LUZP2: variants seen among roughly 807,000 people sequenced by gnomAD.
The protein encoded by LUZP2 is leucine zipper protein 2.
In LUZP2, 52 loss-of-function variants were observed where a neutral mutation model predicts 51.6. The ratio of observed to expected loss-of-function variants is 1.01; its 90% CI spans 0.81 to 1.27. The LOEUF (loss-of-function observed/expected upper bound fraction) is 1.27. LUZP2 is among the 50% of genes most tolerant of loss of function. LUZP2 has a pLI of 0.00. For synonymous variants in LUZP2, 154 were observed against 137.3 expected (o/e 1.12, Z -0.85); for missense variants, 436 against 395.4 (o/e 1.10, Z -0.87).
At chr11:24,550,759 G>A (rs978218660) in intron 1 of LUZP2, among the ~76,000 whole-genome samples, 1 of 151,972 alleles carries the variant, frequency 6.6e-6, no homozygotes, top group Admixed American at 6.6e-5. Context: ...CCTTCCAAAT[G>A]GTTTAACTCT....
intron 7 of LUZP2, among the ~76,000 whole-genome samples, chr11:24,969,599 T>A (rs1419427981): frequency 6.6e-6 from 1 of 152,222 alleles, no homozygotes; most frequent in Non-Finnish European, 1.5e-5. Flanking sequence ...TTCCCTTAGA[T>A]GAAGAAGAGA....
At chr11:24,541,713 T>C (rs909675653) in intron 1 of LUZP2, among the ~76,000 whole-genome samples, 1 of 152,104 alleles carries the variant, frequency 6.6e-6, no homozygotes, top group African/African-American at 2.4e-5. Flanking sequence ...AAAACTTTTA[T>C]TATTCAAATG....
intron 1 of LUZP2, among the ~76,000 whole-genome samples, chr11:24,661,221 T>G (rs1435415549): frequency 6.6e-6 from 1 of 152,184 alleles, no homozygotes; most frequent in Non-Finnish European, 1.5e-5. Context: ...CCTTATTTCT[T>G]CAGAAGTGTT....
intron 7 of LUZP2, among the ~76,000 whole-genome samples, chr11:24,936,095 C>T (rs1267564055): frequency 1.3e-5 from 2 of 151,992 alleles, no homozygotes; most frequent in Non-Finnish European, 2.9e-5. Flanking sequence ...GAGAAGAAGA[C>T]ATTTACCTTT....
At chr11:24,861,337 C>G (rs1012233705) in intron 5 of LUZP2, among the ~76,000 whole-genome samples, 3 of 152,000 alleles carry the variant, frequency 2.0e-5, no homozygotes, top group Admixed American at 6.5e-5. Context: ...ATCAGAGTAC[C>G]AGAAAAATAT....
chr11:24,669,840 C>A (rs1373175186), intron 1 of LUZP2, among the ~76,000 whole-genome samples: 1 of 151,946 alleles, frequency 6.6e-6, no homozygotes, highest in African/African-American at 2.4e-5. Context: ...TGTCCTGAAG[C>A]AAAGAGAGGA....
rs1158935544 is a variant in LUZP2 at position 24,826,190 on chromosome 11, A to AAT, written c.396+62900_396+62901dup. 2.0e-3 allele frequency among the ~76,000 whole-genome samples: 132 copies of AAT among 67,546 alleles called. 2 individuals carry two copies. Among genetic ancestry groups the AAT allele is most frequent in the African/African-American group, 7.2e-3 (123 of 16,984 alleles). 44.3% of individuals were successfully genotyped at this position (67,546 alleles called of 152,430 possible). A position where few individuals can be genotyped will look rare whatever the true frequency, so the allele number is the denominator to read the frequency against. ...GACTCCATCTCAAAAAAAAAAAAAA[A>AAT]ATATATATATATATATATAGTAAAA... On this transcript the variant is annotated intron_variant, in intron 5 of 11. Coordinates refer to ENST00000336930, the MANE Select transcript of LUZP2 (RefSeq NM_001009909.4).
At chr11:24,557,446 A>G (rs1851906083) in intron 1 of LUZP2, among the ~76,000 whole-genome samples, 1 of 152,176 alleles carries the variant, frequency 6.6e-6, no homozygotes, top group South Asian at 2.1e-4. Context: ...TACACTTAGA[A>G]TTTGACTGAA....
At chr11:24,929,683 T>A (rs1413517532) in intron 7 of LUZP2, among the ~76,000 whole-genome samples, 1 of 152,016 alleles carries the variant, frequency 6.6e-6, no homozygotes, top group Non-Finnish European at 1.5e-5. Flanking sequence ...ATGAATAGAG[T>A]ATATATTCTG....
chr11:25,069,731 T>C (rs1412479079), intron 10 of LUZP2, among the ~76,000 whole-genome samples: 3 of 151,970 alleles, frequency 2.0e-5, no homozygotes, highest in Non-Finnish European at 4.4e-5. Context: ...TTATATCATA[T>C]AGCTGGCAAA....
intron 5 of LUZP2, among the ~76,000 whole-genome samples, chr11:24,821,468 G>A (rs576440599): frequency 1.9e-4 from 29 of 152,038 alleles, no homozygotes; most frequent in East Asian, 1.4e-3. Flanking sequence ...CTATTTTACC[G>A]ACTTCATTGT....
At chr11:24,497,580 G>C (rs935349723) in intron 1 of LUZP2, among the ~76,000 whole-genome samples, 1 of 152,274 alleles carries the variant, frequency 6.6e-6, no homozygotes, top group South Asian at 2.1e-4. Flanking sequence ...TTTACCCTCC[G>C]GTCCTATTAG....
intron 1 of LUZP2, among the ~76,000 whole-genome samples, chr11:24,621,405 A>G (rs1295374245): frequency 6.6e-6 from 1 of 151,358 alleles, no homozygotes; most frequent in African/African-American, 2.4e-5. Context: ...AGGTAAATCT[A>G]TTTTTTTTTA....
chr11:24,673,507 C>T (rs914295424), intron 1 of LUZP2, among the ~76,000 whole-genome samples: 1 of 152,120 alleles, frequency 6.6e-6, no homozygotes, highest in South Asian at 2.1e-4. Flanking sequence ...TGATTTGTTT[C>T]TTCAGCTAAA....
intron 9 of LUZP2, among the ~76,000 whole-genome samples, chr11:25,007,172 A>G (rs1480583701): frequency 2.0e-5 from 3 of 152,192 alleles, no homozygotes; most frequent in Non-Finnish European, 4.4e-5. Flanking sequence ...ACAATCCCTT[A>G]GCTAGACAGA....
At chr11:24,858,191 A>G (rs1851627674) in intron 5 of LUZP2, among the ~76,000 whole-genome samples, 1 of 152,132 alleles carries the variant, frequency 6.6e-6, no homozygotes, top group Non-Finnish European at 1.5e-5. Flanking sequence ...GTAATTGTTG[A>G]GCATACTTTT....
At chr11:24,785,442 A>G (rs949195435) in intron 5 of LUZP2, among the ~76,000 whole-genome samples, 1 of 151,988 alleles carries the variant, frequency 6.6e-6, no homozygotes, top group Non-Finnish European at 1.5e-5. Context: ...TAAAGCATGG[A>G]CCTTGCTTGG....
chr11:24,661,156 A>AT (rs146160851), intron 1 of LUZP2, among the ~76,000 whole-genome samples: 25,864 of 150,990 alleles, frequency 0.17, 2,287 homozygotes, highest in East Asian at 0.24. Context: ...TTCTTTTTAC[A>AT]TTTTTTTTTG....
At chr11:24,829,120 T>C (rs530888479) in intron 5 of LUZP2, among the ~76,000 whole-genome samples, 22 of 152,070 alleles carry the variant, frequency 1.4e-4, no homozygotes, top group African/African-American at 5.3e-4. Context: ...TCTGAAAAGA[T>C]AAACAGGAGG....
Sources: gnomAD v4.1 joint callset for allele counts (sites outside exome capture counted in the v4.1 genomes callset) on GRCh38, gnomAD v4.1.1 for gene constraint, MANE v1.5 for transcripts, NCBI Gene and HGNC (gene_info 2026-07-23, HGNC 2026-07-21) for gene names.